Variants in FRMD4B observed in about 807,000 individuals in gnomAD.
FRMD4B encodes the protein FERM domain containing 4B, also known as FERM domain-containing protein 4B.
In FRMD4B, 74 loss-of-function variants were observed where a neutral mutation model predicts 141.5. The ratio of observed to expected loss-of-function variants is 0.52; its 90% CI spans 0.43 to 0.63. The LOEUF (loss-of-function observed/expected upper bound fraction) is 0.63. Ranked by LOEUF, FRMD4B falls within the 30% of genes least tolerant of loss-of-function variation. The probability of loss-of-function intolerance (pLI) is 0.00; values close to 1 mark genes in which losing one functional copy is unlikely to be tolerated. For synonymous variants in FRMD4B, 506 were observed against 467.9 expected (o/e 1.08, Z -1.05); for missense variants, 1,366 against 1,253.4 (o/e 1.09, Z -1.36).
chr3:69,474,023 G>A (rs1303987043), intron 1 of FRMD4B, among the ~76,000 whole-genome samples: 1 of 152,128 alleles, frequency 6.6e-6, no homozygotes, highest in African/African-American at 2.4e-5. Flanking sequence ...AAAAATTAGA[G>A]ATGCCCTACC....
chr3:69,385,957 G>A lies in FRMD4B; in HGVS notation c.33C>T (p.Asp11=). 3.7e-6 allele frequency: 6 copies of A among 1,604,926 alleles called. No homozygotes were observed. Among genetic ancestry groups the A allele is most frequent in the South Asian group, 1.1e-5 (1 of 88,958 alleles). MASVFMCGVE[D]LLFSGSRFVW... The stretch of plus-strand genomic sequence containing the variant: ...CGAAGCGGCTGCCGCTGAACAGCAG[G>A]TCCTCCACGCCACACATGAACACCG... Residue 11 remains aspartate (D), a synonymous_variant, in exon 1 of 23, where the codon GAC becomes GAT. Coordinates refer to ENST00000398540, the MANE Select transcript of FRMD4B (RefSeq NM_015123.3).
chr3:69,487,980 T>C (rs898036152), intron 1 of FRMD4B, among the ~76,000 whole-genome samples: 1 of 151,528 alleles, frequency 6.6e-6, no homozygotes, highest in Non-Finnish European at 1.5e-5. Context: ...AATGTGTCCA[T>C]TGTAAAATTT....
chr3:69,503,634 T>C (rs1406463783), intron 1 of FRMD4B, among the ~76,000 whole-genome samples: 2 of 152,170 alleles, frequency 1.3e-5, no homozygotes, highest in Admixed American at 6.5e-5. Flanking sequence ...TGTATTCATA[T>C]GTAACAATCC....
chr3:69,215,295 T>TTTTTTTTTTTTTTTG (rs2093129495), intron 11 of FRMD4B, among the ~76,000 whole-genome samples: 1 of 100,824 alleles, frequency 9.9e-6, no homozygotes, highest in Non-Finnish European at 2.1e-5. Flanking sequence ...TTTTTTTTTT[T>TTTTTTTTTTTTTTTG]TTTTTTTTTT....
Position 69,313,496 on chromosome 3 carries a change from G to C in FRMD4B, c.184C>G (p.Gln62Glu), listed in dbSNP as rs777863150. Residue 62 changes from glutamine to glutamate, a missense_variant, in exon 2 of 23, where the codon CAG becomes GAG. By Grantham distance (29) the Gln-to-Glu change is conservative. Coordinates refer to ENST00000398540, the MANE Select transcript of FRMD4B (RefSeq NM_015123.3). ...CTCCTATCATCCAGGAGGTGCACCT[G>C]GCAGTGCCTGCCTTCTGTCATCTGC... ...VYQMTEGRHC[Q>E]VHLLDDRRLE... The C allele has an allele frequency of 5.7e-6, 9 of 1,570,666 alleles. No homozygotes were observed. The South Asian group carries it at 1.1e-4, about 18-fold the overall frequency.
chr3:69,481,214 C>G lies in FRMD4B; in HGVS notation c.-128-48453G>C, dbSNP rs62252322. Among the ~76,000 whole-genome samples, 1,120 of 152,034 alleles carry G rather than the reference C, an allele frequency of 7.4e-3. 8 individuals are homozygous for G. The highest frequency in any genetic ancestry group is 0.012 in the Non-Finnish European group (830 of 68,016). ...TCAGCTTGCGCACGGTGTGCTGCAC[C>G]CACTGTCCTGCGCCCACTGTCTGGC... On this transcript the variant is annotated intron_variant, in intron 1 of 5. Transcript: ENST00000459638.
intron 7 of FRMD4B, among the ~76,000 whole-genome samples, chr3:69,247,350 T>C (rs1386865238): frequency 6.6e-6 from 1 of 152,092 alleles, no homozygotes. Flanking sequence ...AAACCCTCAT[T>C]TACAAATTGA....
chr3:69,291,597 G>A (rs1053992376), intron 4 of FRMD4B, among the ~76,000 whole-genome samples: 13 of 152,160 alleles, frequency 8.5e-5, no homozygotes, highest in African/African-American at 3.1e-4. Context: ...CATGGTGTGG[G>A]TAGGTGACCC....
chr3:69,233,125 A>G (rs1248266541), intron 7 of FRMD4B, among the ~76,000 whole-genome samples: 2 of 151,982 alleles, frequency 1.3e-5, no homozygotes, highest in African/African-American at 4.8e-5. Context: ...TAAAAAATGT[A>G]TATTAAATAT....
chr3:69,491,242 C>T (rs963982113), intron 1 of FRMD4B, among the ~76,000 whole-genome samples: 6 of 152,058 alleles, frequency 3.9e-5, no homozygotes, highest in African/African-American at 7.2e-5. Context: ...AAGATCACTC[C>T]AGGAAAATGA....
intron 1 of FRMD4B, among the ~76,000 whole-genome samples, chr3:69,380,038 C>T (rs1476660659): frequency 6.6e-6 from 1 of 152,220 alleles, no homozygotes; most frequent in East Asian, 1.9e-4. Context: ...AGGGAATTGT[C>T]CTTTGGAGGA....
chr3:69,198,709 A>C lies in FRMD4B; in HGVS notation c.942T>G (p.His314Gln). The change falls in exon 12 of 23, where the codon CAT becomes CAG. Residue 314 changes from histidine to glutamine, a missense_variant. Transcript: ENST00000398540. ...TCTTTGATCCTCACCTTCGTGGATC[A>C]TGAACTTCAACAGCAAATTTTTTCT... ...FREKKFAVEV[H>Q]DPRRISVSRR... is the part of the protein sequence containing the mutation. 1 of 1,539,356 alleles carries C rather than the reference A, an allele frequency of 6.5e-7. No homozygotes were observed. Among genetic ancestry groups the C allele is most frequent in the Non-Finnish European group, 8.9e-7 (1 of 1,124,572 alleles).
intron 5 of FRMD4B, among the ~76,000 whole-genome samples, chr3:69,266,897 T>C (rs191361076): frequency 9.1e-4 from 138 of 152,316 alleles, no homozygotes; most frequent in African/African-American, 3.2e-3. Context: ...ATCTGGCAGA[T>C]ACCACCTCAA....
intron 1 of FRMD4B, among the ~76,000 whole-genome samples, chr3:69,349,584 C>T (rs1004631390): frequency 3.9e-5 from 6 of 152,114 alleles, no homozygotes; most frequent in African/African-American, 1.2e-4. Context: ...TACTACAAGG[C>T]TACAGTAACC....
At chr3:69,399,891 T>C (rs570326899) in intron 2 of FRMD4B, among the ~76,000 whole-genome samples, 4 of 152,280 alleles carry the variant, frequency 2.6e-5, no homozygotes, top group African/African-American at 9.6e-5. Context: ...GACCCTTATA[T>C]TGTCATTGCT....
At chr3:69,311,942 G>A (rs1032825440) in intron 2 of FRMD4B, among the ~76,000 whole-genome samples, 4 of 152,110 alleles carry the variant, frequency 2.6e-5, no homozygotes, top group African/African-American at 7.2e-5. Flanking sequence ...AGTCAACCAA[G>A]GCCCAGAGTA....
intron 1 of FRMD4B, among the ~76,000 whole-genome samples, chr3:69,385,419 C>T (rs1396751067): frequency 1.3e-5 from 2 of 152,300 alleles, no homozygotes; most frequent in African/African-American, 4.8e-5. Context: ...CCAAGGCCCC[C>T]TCTGCCAGCA....
chr3:69,382,182 G>T (rs569861830), intron 1 of FRMD4B, among the ~76,000 whole-genome samples: 2 of 152,206 alleles, frequency 1.3e-5, no homozygotes, highest in Non-Finnish European at 2.9e-5. Context: ...TAGGATTACA[G>T]GCATGTGCCA....
At chr3:69,314,952 C>A (rs563327237) in intron 1 of FRMD4B, among the ~76,000 whole-genome samples, 1 of 152,260 alleles carries the variant, frequency 6.6e-6, no homozygotes, top group South Asian at 2.1e-4. Flanking sequence ...TCAGTTGAGG[C>A]CAGGAGTTCA....
Sources: allele counts gnomAD v4.1 joint callset (sites outside exome capture counted in the v4.1 genomes callset), GRCh38; gene constraint gnomAD v4.1.1; transcripts MANE v1.5; gene names NCBI Gene and HGNC (gene_info 2026-07-23, HGNC 2026-07-21).